DENND6B: variants seen among roughly 807,000 people sequenced by gnomAD.
The protein encoded by DENND6B is protein DENND6B.
DENND6B carries 73 observed loss-of-function variants against 85.1 expected under a neutral mutation model. The ratio of observed to expected loss-of-function variants is 0.86; its 90% CI spans 0.71 to 1.04. DENND6B has a LOEUF of 1.04. DENND6B is among the 50% of genes least tolerant of loss of function. The pLI is 0.00. For missense variants in DENND6B, 715 were observed against 785.8 expected, an observed-to-expected ratio of 0.91 and a Z score of 1.08; for synonymous variants, 357 against 329.3, an observed-to-expected ratio of 1.08 and a Z score of -0.91.
intron 1 of DENND6B, chr22:50,319,498 C>T: frequency 1.0e-6 from 1 of 985,438 alleles, no homozygotes; most frequent in Non-Finnish European, 1.2e-6. Flanking sequence ...CTGTTCACAG[C>T]ATCAGAAGGG....
chr22:50,316,383 G>T lies in DENND6B; in HGVS notation c.546C>A (p.Pro182=). 1 of 1,578,448 alleles carries T rather than the reference G, an allele frequency of 6.3e-7. No individual in the cohort carries two copies. The highest frequency in any genetic ancestry group is 2.4e-5 in the East Asian group (1 of 42,416). ...ATGGCCACTCACCTGCTTCCAGGCAGGGCGCCAGCTTGTCAAAGTACTCGG... is the reference window on the plus strand; with the variant it reads ...ATGGCCACTCACCTGCTTCCAGGCATGGCGCCAGCTTGTCAAAGTACTCGG... The part of the protein sequence containing the change: ...IAPEYFDKLA[P]CLEAVCSEID... The change falls in exon 6 of 20, where the codon CCC becomes CCA. Residue 182 remains proline, a synonymous_variant. Coordinates refer to ENST00000413817, the MANE Select transcript of DENND6B (RefSeq NM_001001794.4).
Position 50,314,507 on chromosome 22 carries a change from A to C in DENND6B, c.978-13T>G, listed in dbSNP as rs767718468. The C allele has an allele frequency of 2.6e-5, 40 of 1,555,754 alleles. No individual in the cohort carries two copies. The highest frequency in any genetic ancestry group is 3.4e-5 in the Non-Finnish European group (39 of 1,149,076). On this transcript the variant is annotated splice_polypyrimidine_tract_variant and intron_variant, in intron 11 of 19. Coordinates refer to ENST00000413817, the MANE Select transcript of DENND6B (RefSeq NM_001001794.4). The stretch of plus-strand genomic sequence containing the variant: ...GACCACGTTTGGTCTAGACAGACAG[A>C]GAGAGAGAAGAGGCAGAGACAGAGG...
chr22:50,316,316 G>T (rs2041813848), intron 6 of DENND6B, 54 bp downstream of exon 6: 1 of 1,562,856 alleles, frequency 6.4e-7, no homozygotes, highest in Admixed American at 1.9e-5. Flanking sequence ...GAGCCCACCA[G>T]GGGCCACAGC....
intron 12 of DENND6B, 44 bp downstream of exon 12, chr22:50,314,356 G>A (rs368368216): frequency 2.5e-5 from 40 of 1,572,228 alleles, no homozygotes; most frequent in African/African-American, 5.4e-5. Flanking sequence ...CACACTCAAC[G>A]AGGCTTCTGA....
In DENND6B at chr22:50,314,688, G is replaced by A; in HGVS notation, c.894C>T (p.Pro298=). 1 of 1,566,094 alleles carries A rather than the reference G, an allele frequency of 6.4e-7. No individual in the cohort carries two copies. Among genetic ancestry groups the A allele is most frequent in the Non-Finnish European group, 8.7e-7 (1 of 1,156,042 alleles). The change falls in exon 11 of 20, where the codon CCC becomes CCT. Residue 298 remains proline, a synonymous_variant. Coordinates refer to ENST00000413817, the MANE Select transcript of DENND6B (RefSeq NM_001001794.4). ...MVLALTSCLQ[P]LRFCCDFRPY... ...GACGGAAGTCGCAGCAGAACCTGAG[G>A]GGCTGCAGGCAGCTGTGGGCAGAGG...
intron 8 of DENND6B, 118 bp downstream of exon 8, chr22:50,315,907 G>C (rs558274604): frequency 3.9e-6 from 6 of 1,554,534 alleles, no homozygotes; most frequent in Non-Finnish European, 5.3e-6. Flanking sequence ...GCTTTGCCTG[G>C]GTTTGACAAC....
chr22:50,312,380 T>C lies in DENND6B; in HGVS notation c.1598A>G (p.Glu533Gly), dbSNP rs756590765. 1.2e-6 allele frequency: 2 copies of C among 1,611,850 alleles called. No individual in the cohort carries two copies. Among genetic ancestry groups the C allele is most frequent in the African/African-American group, 1.3e-5 (1 of 74,980 alleles). ...AAGTTTCAGGACCAGGTCCACGACC[T>C]CCACCTCGGACTTGTCTTTCATCCA... The part of the protein sequence containing the change: ...ETWMKDKSEV[E>G]VVDLVLKLRE... The change falls in exon 19 of 20, where the codon GAG becomes GGG. Residue 533 changes from glutamate (E) to glycine (G), a missense_variant. Physicochemically the swap from Glu to Gly is moderately conservative, Grantham distance 98. Transcript: ENST00000413817.
At chr22:50,319,665 C>T in intron 1 of DENND6B, among the ~76,000 whole-genome samples, 1 of 152,268 alleles carries the variant, frequency 6.6e-6, no homozygotes, top group East Asian at 1.9e-4. Flanking sequence ...TCCCTCACCA[C>T]CCGCCAAGCC....
At position 50,316,373 on chromosome 22, in the gene DENND6B, C is replaced by T. The variant is rs752211433; in HGVS notation, c.556G>A (p.Ala186Thr). ...GCCACGACTGATGGCCACTCACCTGCTTCCAGGCAGGGCGCCAGCTTGTCA... is the reference window on the plus strand; with the variant it reads ...GCCACGACTGATGGCCACTCACCTGTTTCCAGGCAGGGCGCCAGCTTGTCA... ...YFDKLAPCLE[A>T]VCSEIDQWPA... is the part of the protein sequence containing the mutation. The change falls in exon 6 of 20, where the codon GCA becomes ACA. Residue 186 changes from alanine to threonine, a missense_variant. Physicochemically the swap from Ala to Thr is moderately conservative, Grantham distance 58. Transcript: ENST00000413817. The T allele has an allele frequency of 6.4e-7, 1 of 1,574,506 alleles. No homozygotes were observed. Among genetic ancestry groups the T allele is most frequent in the South Asian group, 1.2e-5 (1 of 86,182 alleles).
intron 5 of DENND6B, chr22:50,316,817 ACT>A (rs1601817967): frequency 1.7e-6 from 2 of 1,183,726 alleles, no homozygotes; most frequent in East Asian, 1.2e-4. Flanking sequence ...TTGCCCTGAC[ACT>A]GACAGTGTGA....
rs761691269 is a variant in DENND6B, at chr22:50,312,331, G to A, written c.1635+12C>T. On this transcript the variant is annotated intron_variant, in intron 19 of 19. Transcript: ENST00000413817. ...GCTGGTGGCGCTGGGACAAGGCTGG[G>A]AGGCATCTTACCAGCTTCTCACGAA... 6.2e-7 allele frequency: 1 copy of A among 1,611,414 alleles called. No homozygotes were observed.
Position 50,314,941 on chromosome 22 carries a change from T to C in DENND6B, c.759-20A>G, listed in dbSNP as rs769498698. ...AAGCACCTGGGGCCGGGCAGGAAGG[T>C]CGGGGAGGTCAGGCAGGGGCTGAGA... On this transcript the variant is annotated intron_variant, in intron 9 of 19. Coordinates refer to ENST00000413817, the MANE Select transcript of DENND6B (RefSeq NM_001001794.4). 6.2e-7 allele frequency: 1 copy of C among 1,606,018 alleles called. No homozygotes were observed.
At chr22:50,314,548 G>A (rs2041720525) in intron 11 of DENND6B, 54 bp from the exon 12 acceptor site, 1 of 1,554,048 alleles carries the variant, frequency 6.4e-7, no homozygotes, top group Middle Eastern at 1.7e-4. Flanking sequence ...GGAGGTGCAG[G>A]AAGGGCGAGA....
rs534668702 is a variant in DENND6B at position 50,318,989 on chromosome 22, G to A, written c.192C>T (p.Asn64=). 59 of 1,602,232 alleles carry A rather than the reference G, an allele frequency of 3.7e-5. No homozygotes were observed. Among genetic ancestry groups the A allele is most frequent in the South Asian group, 1.1e-4 (10 of 89,048 alleles). ...CCTCCTTGTCTGTGAGCCGGAAGTC[G>A]TTCGGATACACCAGCTGCAGAGGAA... ...LGQALELVYP[N]DFRLTDKEKS... is the part of the protein sequence containing the mutation. The change falls in exon 2 of 20, where the codon AAC becomes AAT. Residue 64 remains asparagine (N), a synonymous_variant. Transcript: ENST00000413817.
chr22:50,317,426 G>A (rs953217636), intron 4 of DENND6B, 53 bp from the exon 5 acceptor site: 7 of 1,601,662 alleles, frequency 4.4e-6, no homozygotes, highest in Non-Finnish European at 6.0e-6. Flanking sequence ...CACCTGGCCA[G>A]CCCCAGGGCT....
Position 50,326,982 on chromosome 22 carries a change from C to T in DENND6B, c.7G>A (p.Ala3Thr). The T allele has an allele frequency of 7.5e-6, 9 of 1,199,104 alleles. No individual in the cohort carries two copies. The highest frequency in any genetic ancestry group is 9.3e-6 in the Non-Finnish European group (9 of 968,226). 74.3% of individuals were successfully genotyped at this position (1,199,104 alleles called of 1,614,324 possible). ...CGGCGAGGCCCTGTGCCCAACAGCG[C>T]GTCCATGGCGGCGGCCGCGGGTTGC... MD[A>T]LLGTGPRRAR... The change falls in exon 1 of 20, where the codon GCG becomes ACG. Residue 3 changes from alanine (A) to threonine (T), a missense_variant. Coordinates refer to ENST00000413817, the MANE Select transcript of DENND6B (RefSeq NM_001001794.4).
rs997414720 is a variant in DENND6B at position 50,311,314 on chromosome 22, C to T, written c.*825G>A. The T allele has an allele frequency of 7.9e-5, 12 of 152,308 alleles. No individual in the cohort carries two copies. Among genetic ancestry groups the T allele is most frequent in the African/African-American group, 2.7e-4 (11 of 41,452 alleles). 9.4% of individuals were successfully genotyped at this position (152,308 alleles called of 1,614,324 possible). A position where few individuals can be genotyped will look rare whatever the true frequency, so the allele number is the denominator to read the frequency against. Reference sequence around the variant, plus strand: ...TCACCCCTTACCAAGGAAAGGGAGACATGCAGGCTCCAGCCAGAGGCAGGG... The same window carrying T: ...TCACCCCTTACCAAGGAAAGGGAGATATGCAGGCTCCAGCCAGAGGCAGGG... On this transcript the variant is annotated 3_prime_UTR_variant, in exon 20 of 20. Coordinates refer to ENST00000413817, the MANE Select transcript of DENND6B (RefSeq NM_001001794.4).
intron 6 of DENND6B, 38 bp downstream of exon 6, chr22:50,316,329 GGAT>G (rs1174107174): frequency 6.4e-7 from 1 of 1,562,592 alleles, no homozygotes; most frequent in Non-Finnish European, 8.7e-7. Context: ...GCCACAGCTG[GGAT>G]GATGAGACCA....
intron 16 of DENND6B, 146 bp from the exon 17 acceptor site, chr22:50,313,254 G>A (rs146896278): frequency 2.4e-4 from 279 of 1,154,768 alleles, no homozygotes; most frequent in Non-Finnish European, 3.2e-4. Context: ...CCTTTCCCAG[G>A]GAGCAGGCCC....
Sources: allele counts gnomAD v4.1 joint callset (sites outside exome capture counted in the v4.1 genomes callset), GRCh38; gene constraint gnomAD v4.1.1; transcripts MANE v1.5; gene names NCBI Gene and HGNC (gene_info 2026-07-23, HGNC 2026-07-21).